Variants in PCDHGA1 observed in about 807,000 individuals in gnomAD.
The protein encoded by PCDHGA1 is protocadherin gamma-A1.
Under a neutral mutation model 58.0 loss-of-function variants are expected in PCDHGA1, and 32 were observed. The ratio of observed to expected loss-of-function variants is 0.55; its 90% confidence interval spans 0.42 to 0.74. The LOEUF (loss-of-function observed/expected upper bound fraction) is 0.74. Among genes scored for constraint, PCDHGA1 ranks in the 30% least tolerant of loss-of-function variants. The pLI, the probability that PCDHGA1 is intolerant of heterozygous loss-of-function variation, is 0.00. For missense variants in PCDHGA1, 1,205 were observed against 1,182.3 expected (o/e 1.02, Z -0.28); for synonymous variants, 498 against 501.1 (o/e 0.99, Z 0.08).
intron 1 of PCDHGA1, chr5:141,404,701 G>C (rs563319884): frequency 1.2e-6 from 2 of 1,613,956 alleles, no homozygotes; most frequent in Non-Finnish European, 1.7e-6. Context: ...GCTCTGCAGA[G>C]CCTGGCTACC....
rs777293240 is a variant in PCDHGA1, at chr5:141,393,034, T to A, written c.2421+59929T>A. The A allele has an allele frequency of 1.3e-5, 21 of 1,613,636 alleles. No homozygotes were observed. Among genetic ancestry groups the A allele is most frequent in the Admixed American group, 6.7e-5 (4 of 59,986 alleles). Reference sequence around the variant, plus strand: ...ATCGTCTCCAGAGGTAGGACGCAGCTCTTTGCTCTGAACCCGCGCAGCGGC... The same window carrying A: ...ATCGTCTCCAGAGGTAGGACGCAGCACTTTGCTCTGAACCCGCGCAGCGGC... On this transcript the variant is annotated intron_variant, in intron 1 of 3. Coordinates refer to ENST00000517417, the MANE Select transcript of PCDHGA1 (RefSeq NM_018912.3).
In PCDHGA1 at chr5:141,356,606, C is replaced by T. The variant is rs536702796; in HGVS notation, c.2421+23501C>T. 6 of 1,614,182 alleles carry T rather than the reference C, an allele frequency of 3.7e-6. No individual in the cohort carries two copies. The Admixed American group carries it at 6.7e-5, about 18-fold the overall frequency. On this transcript the variant is annotated intron_variant, in intron 1 of 3. Transcript: ENST00000517417. ...ATTCCTGAAAACAACCCCAGAGGAG[C>T]CTCCATCTTATCTATGACTGCTCAA...
rs1448923277 is a variant in PCDHGA1, at chr5:141,331,311, C to T, written c.627C>T (p.His209=). 13 of 1,614,036 alleles carry T rather than the reference C, an allele frequency of 8.1e-6. No homozygotes were observed. Among genetic ancestry groups the T allele is most frequent in the Non-Finnish European group, 7.6e-6 (9 of 1,180,048 alleles). ...PLDREEEAVH[H]LILTASDGGE... ...ACAGAGAAGAAGAAGCTGTCCACCA[C>T]CTCATCCTCACAGCTTCTGATGGGG... Residue 209 remains histidine (H), a synonymous_variant, in exon 1 of 4, where the codon CAC becomes CAT. Coordinates refer to ENST00000517417, the MANE Select transcript of PCDHGA1 (RefSeq NM_018912.3).
At chr5:141,410,995 T>A in intron 1 of PCDHGA1, 1 of 174,388 alleles carries the variant, frequency 5.7e-6, no homozygotes, top group South Asian at 1.4e-4. Flanking sequence ...CTGGGATTAC[T>A]GGTGCCCCTC....
In PCDHGA1 at chr5:141,418,047, C is replaced by G. The variant is rs968352679; in HGVS notation, c.2422-76760C>G. The G allele has an allele frequency of 6.2e-6, 10 of 1,613,894 alleles. No individual in the cohort carries two copies. The highest frequency in any genetic ancestry group is 1.6e-4 in the Middle Eastern group (1 of 6,076). ...GGGCTTAGTGTCCTGGATGTGTCGG[C>G]TCGCGAGCTGCGAGTGAGCGCGGAG... On this transcript the variant is annotated intron_variant, in intron 1 of 3. Transcript: ENST00000517417.
At chr5:141,474,854 T>G (rs1007461186) in intron 1 of PCDHGA1, among the ~76,000 whole-genome samples, 3 of 152,260 alleles carry the variant, frequency 2.0e-5, no homozygotes, top group African/African-American at 7.2e-5. Flanking sequence ...CCTGCCTTCT[T>G]CATTTAATAG....
rs189405542 is a variant in PCDHGA1, at chr5:141,370,398, G to A, written c.2421+37293G>A. On this transcript the variant is annotated intron_variant, in intron 1 of 3. Transcript: ENST00000517417. ...AGGCAAAGGCGCAGAGAGCGGGATG[G>A]GAAATAGCTCCGGATGGAGGGGCCC... 5 of 1,550,336 alleles carry A rather than the reference G, an allele frequency of 3.2e-6. No individual in the cohort carries two copies. In the Admixed American group the frequency reaches 1.0e-4, roughly 32 times the overall value.
chr5:141,339,932 G>A, intron 1 of PCDHGA1: 3 of 1,614,128 alleles, frequency 1.9e-6, no homozygotes, highest in Non-Finnish European at 2.5e-6. Context: ...TGATATTGAA[G>A]CTCAGGATGG....
Position 141,476,021 on chromosome 5 carries a change from C to T in PCDHGA1, c.2422-18786C>T. The T allele has an allele frequency of 7.1e-7, 1 of 1,400,498 alleles. No individual in the cohort carries two copies. The highest frequency in any genetic ancestry group is 1.4e-5 in the South Asian group (1 of 71,458). 86.8% of individuals were successfully genotyped at this position (1,400,498 alleles called of 1,614,324 possible). A position where few individuals can be genotyped will look rare whatever the true frequency, so the allele number is the denominator to read the frequency against. ...GGCATCCAGAAAGCCATGTCGGACT[C>T]GGCGCCCAGCGCCCAAGCGCTAACC... On this transcript the variant is annotated intron_variant, in intron 1 of 3. Coordinates refer to ENST00000517417, the MANE Select transcript of PCDHGA1 (RefSeq NM_018912.3). This position sits in a 1 kb window ranked among gnomAD's most constrained non-coding sequence, Gnocchi z 7.6.
rs768510925 is a variant in PCDHGA1 at position 141,394,047 on chromosome 5, C to T, written c.2421+60942C>T. On this transcript the variant is annotated intron_variant, in intron 1 of 3. Coordinates refer to ENST00000517417, the MANE Select transcript of PCDHGA1 (RefSeq NM_018912.3). Reference sequence around the variant, plus strand: ...ATTAGTGACAAGGAAATATTTGGACCGAGAAAATGTCTCTATCTACAATAT... The same window carrying T: ...ATTAGTGACAAGGAAATATTTGGACTGAGAAAATGTCTCTATCTACAATAT... The T allele has an allele frequency of 5.6e-6, 9 of 1,613,438 alleles. No homozygotes were observed. The Admixed American group carries it at 1.5e-4, about 27-fold the overall frequency.
intron 1 of PCDHGA1, chr5:141,389,731 G>C (rs761645703): frequency 6.2e-7 from 1 of 1,612,688 alleles, no homozygotes; most frequent in Non-Finnish European, 8.5e-7. Context: ...GGGCTCTTCA[G>C]CCTGGGGCTG....
chr5:141,370,738 A>G, intron 1 of PCDHGA1: 2 of 1,613,902 alleles, frequency 1.2e-6, no homozygotes, highest in Non-Finnish European at 1.7e-6. Context: ...AAGCCTTTAA[A>G]CTTTTTTCAT....
In PCDHGA1 at chr5:141,490,363, C is replaced by T. The variant is rs779932482; in HGVS notation, c.2422-4444C>T. 10 of 1,614,036 alleles carry T rather than the reference C, an allele frequency of 6.2e-6. No individual in the cohort carries two copies. The highest frequency in any genetic ancestry group is 1.3e-5 in the African/African-American group (1 of 74,904). The stretch of plus-strand genomic sequence containing the variant: ...CACAGTAGTGGGGTTGTTTAATGTG[C>T]GAGACCGGGACTCAGGTAGAAATGG... On this transcript the variant is annotated intron_variant, in intron 1 of 3. Coordinates refer to ENST00000517417, the MANE Select transcript of PCDHGA1 (RefSeq NM_018912.3). The surrounding 1 kb of genome is among the most constrained non-coding windows in gnomAD (Gnocchi z 5.4).
intron 1 of PCDHGA1, chr5:141,413,327 A>G (rs200027912): frequency 6.2e-7 from 1 of 1,613,984 alleles, no homozygotes; most frequent in Non-Finnish European, 8.5e-7. Context: ...TTCGTGGGCA[A>G]CATCTCCAAG....
chr5:141,431,995 G>A lies in PCDHGA1; in HGVS notation c.2422-62812G>A. 6.2e-7 allele frequency: 1 copy of A among 1,614,048 alleles called. No individual in the cohort carries two copies. Among genetic ancestry groups the A allele is most frequent in the East Asian group, 2.2e-5 (1 of 44,898 alleles). The stretch of plus-strand genomic sequence containing the variant: ...TAGTCACAGACATAGTCTTGGATAG[G>A]GAACAGGTTCCTAGCTACAACATCA... On this transcript the variant is annotated intron_variant, in intron 1 of 3. Coordinates refer to ENST00000517417, the MANE Select transcript of PCDHGA1 (RefSeq NM_018912.3). This position sits in a 1 kb window ranked among gnomAD's most constrained non-coding sequence, Gnocchi z 4.8.
chr5:141,375,714 G>C, intron 1 of PCDHGA1: 1 of 1,614,262 alleles, frequency 6.2e-7, no homozygotes, highest in Non-Finnish European at 8.5e-7. Context: ...CCTCTTAGCA[G>C]CAACGTGTCA....
chr5:141,451,523 A>G (rs1035983001), intron 1 of PCDHGA1, among the ~76,000 whole-genome samples: 1 of 152,200 alleles, frequency 6.6e-6, no homozygotes, highest in African/African-American at 2.4e-5. Flanking sequence ...AGAGCAAGTA[A>G]AGGAGAGTGC....
rs2099750805 is a variant in PCDHGA1, at chr5:141,493,915, T to C, written c.2422-892T>C. ...TGCTCCATGAGAGTGTGTGATGGGA[T>C]AACACACCCCCTGGAAAGACCAGAA... On this transcript the variant is annotated intron_variant, in intron 1 of 3. Transcript: ENST00000517417. This position sits in a 1 kb window ranked among gnomAD's most constrained non-coding sequence, Gnocchi z 4.3. Among the ~76,000 whole-genome samples, 1 of 152,024 alleles carries C rather than the reference T, an allele frequency of 6.6e-6. No homozygotes were observed. Among genetic ancestry groups the C allele is most frequent in the African/African-American group, 2.4e-5 (1 of 41,386 alleles).
chr5:141,447,328 C>T (rs546209008), intron 1 of PCDHGA1, among the ~76,000 whole-genome samples: 39 of 151,886 alleles, frequency 2.6e-4, no homozygotes, highest in Admixed American at 7.2e-4. Flanking sequence ...TTAGTAGAGA[C>T]GGGTTTCATC....
Sources: allele counts gnomAD v4.1 joint callset (sites outside exome capture counted in the v4.1 genomes callset), GRCh38; gene constraint gnomAD v4.1.1; non-coding constraint Gnocchi (gnomAD v3.1); transcripts MANE v1.5; gene names NCBI Gene and HGNC (gene_info 2026-07-23, HGNC 2026-07-21).